CNTN6: variants seen among roughly 807,000 people sequenced by gnomAD.
The protein encoded by CNTN6 is contactin 6.
CNTN6 carries 137 observed loss-of-function variants against 122.8 expected under a neutral mutation model. That is an observed-to-expected ratio of 1.12 (90% CI 0.97 to 1.29). The LOEUF (loss-of-function observed/expected upper bound fraction) is 1.29. Among genes scored for constraint, CNTN6 ranks in the 50% most tolerant of loss-of-function variants. The pLI is 0.00. For synonymous variants in CNTN6, 570 were observed against 426.0 expected (o/e 1.34, Z -4.16); for missense variants, 1,634 against 1,223.4 (o/e 1.34, Z -5.01).
intron 4 of CNTN6, among the ~76,000 whole-genome samples, chr3:1,242,050 G>A (rs1268422916): frequency 4.1e-5 from 6 of 146,136 alleles, no homozygotes; most frequent in African/African-American, 1.5e-4. Flanking sequence ...TGGGGTTTGA[G>A]AGATCAGTCG....
At chr3:1,245,310 A>G (rs1197267456) in intron 4 of CNTN6, among the ~76,000 whole-genome samples, 5 of 16,762 alleles carry the variant, frequency 3.0e-4, no homozygotes, top group African/African-American at 6.2e-4. Flanking sequence ...ATATATATAT[A>G]TATATATATA....
At chr3:1,222,901 A>G (rs767829772) in intron 3 of CNTN6, among the ~76,000 whole-genome samples, 2 of 152,086 alleles carry the variant, frequency 1.3e-5, no homozygotes, top group Admixed American at 6.6e-5. Context: ...CCCCTTACTC[A>G]TAGACAAGAA....
At chr3:1,187,208 C>CA (rs796303332) in intron 2 of CNTN6, among the ~76,000 whole-genome samples, 19 of 151,488 alleles carry the variant, frequency 1.3e-4, no homozygotes, top group Middle Eastern at 3.4e-3. Flanking sequence ...GCAAGCAACT[C>CA]AAAAAAAACT....
chr3:1,172,664 C>T (rs1256790926), intron 2 of CNTN6, among the ~76,000 whole-genome samples: 1 of 148,420 alleles, frequency 6.7e-6, no homozygotes, highest in Non-Finnish European at 1.5e-5. Flanking sequence ...GTGTGTATCA[C>T]AACTTAACCC....
chr3:1,273,541 G>A (rs1691760294), intron 4 of CNTN6, among the ~76,000 whole-genome samples: 2 of 152,130 alleles, frequency 1.3e-5, no homozygotes, highest in East Asian at 1.9e-4. Flanking sequence ...AATACAGATT[G>A]GATCTGTACA....
intron 4 of CNTN6, among the ~76,000 whole-genome samples, chr3:1,246,072 A>T (rs966287273): frequency 6.6e-6 from 1 of 152,148 alleles, no homozygotes; most frequent in African/African-American, 2.4e-5. Flanking sequence ...TTTTCCCTAG[A>T]AGTATAATAT....
At position 1,403,311 on chromosome 3, in the gene CNTN6, T is replaced by G. The variant is rs776174896; in HGVS notation, c.2987-7T>G. Reference sequence around the variant, plus strand: ...AAATATTTTTGTCTTATTTTTATATTTTGCAGGTTTGAGTTCCAGAGGAAT... The same window carrying G: ...AAATATTTTTGTCTTATTTTTATATGTTGCAGGTTTGAGTTCCAGAGGAAT... On this transcript the variant is annotated splice_polypyrimidine_tract_variant and splice_region_variant and intron_variant, in intron 22 of 22. Coordinates refer to ENST00000446702, the MANE Select transcript of CNTN6 (RefSeq NM_001289080.2). 5 of 1,578,002 alleles carry G rather than the reference T, an allele frequency of 3.2e-6. No homozygotes were observed. The highest frequency in any genetic ancestry group is 4.3e-6 in the Non-Finnish European group (5 of 1,154,158).
chr3:1,271,386 G>A (rs1165272558), intron 4 of CNTN6, among the ~76,000 whole-genome samples: 1 of 152,154 alleles, frequency 6.6e-6, no homozygotes, highest in Non-Finnish European at 1.5e-5. Context: ...ACGCAAGTAA[G>A]AGGAGTAACT....
intron 20 of CNTN6, chr3:1,394,587 T>C (rs953974713): frequency 6.6e-6 from 1 of 151,976 alleles, no homozygotes; most frequent in African/African-American, 2.4e-5. Flanking sequence ...ATATATTCTA[T>C]ATATATATAT....
chr3:1,396,042 T>C (rs951455791), intron 20 of CNTN6, among the ~76,000 whole-genome samples: 20 of 152,250 alleles, frequency 1.3e-4, no homozygotes, highest in African/African-American at 4.8e-4. Flanking sequence ...CAAACTGCTT[T>C]GAAATTTTTC....
At chr3:1,155,049 T>C (rs2092932625) in intron 2 of CNTN6, among the ~76,000 whole-genome samples, 1 of 152,194 alleles carries the variant, frequency 6.6e-6, no homozygotes. Flanking sequence ...GTCACCTCCA[T>C]AGTCTGACGT....
chr3:1,313,473 C>A (rs1699675721), intron 7 of CNTN6, among the ~76,000 whole-genome samples: 2 of 152,048 alleles, frequency 1.3e-5, no homozygotes, highest in African/African-American at 4.8e-5. Context: ...ATGGATATTT[C>A]CTCATTTGCT....
chr3:1,215,262 C>T (rs72999894), intron 2 of CNTN6, among the ~76,000 whole-genome samples: 10,561 of 152,266 alleles, frequency 0.069, 458 homozygotes, highest in Non-Finnish European at 0.1. Flanking sequence ...TTCTATAACT[C>T]GGTGACATCA....
At chr3:1,398,266 T>A (rs1254237730) in intron 20 of CNTN6, among the ~76,000 whole-genome samples, 1 of 152,120 alleles carries the variant, frequency 6.6e-6, no homozygotes, top group Non-Finnish European at 1.5e-5. Context: ...CACATTAAGG[T>A]GATGGCCTTC....
intron 11 of CNTN6, among the ~76,000 whole-genome samples, chr3:1,342,975 C>G (rs918233520): frequency 2.0e-5 from 3 of 152,092 alleles, no homozygotes; most frequent in Non-Finnish European, 4.4e-5. Flanking sequence ...CCTCCTCCAC[C>G]TCTTTCACCT....
At chr3:1,342,780 C>A (rs942302674) in intron 11 of CNTN6, among the ~76,000 whole-genome samples, 3 of 152,184 alleles carry the variant, frequency 2.0e-5, no homozygotes, top group Admixed American at 6.5e-5. Flanking sequence ...CCTTTAGTTT[C>A]ATGATCAGAA....
intron 4 of CNTN6, among the ~76,000 whole-genome samples, chr3:1,255,475 A>G (rs1432099408): frequency 6.6e-6 from 1 of 152,046 alleles, no homozygotes; most frequent in Non-Finnish European, 1.5e-5. Flanking sequence ...TTGAGGAAAA[A>G]AGGGAATGGT....
chr3:1,126,669 A>T (rs1466978312), intron 1 of CNTN6, among the ~76,000 whole-genome samples: 2 of 151,886 alleles, frequency 1.3e-5, no homozygotes, highest in Non-Finnish European at 2.9e-5. Flanking sequence ...ACACTCATCA[A>T]TCAATATTTG....
intron 2 of CNTN6, among the ~76,000 whole-genome samples, chr3:1,156,870 A>G (rs79668758): frequency 0.19 from 28,500 of 151,826 alleles, 3,445 homozygotes; most frequent in African/African-American, 0.33. Flanking sequence ...AGCATGCACC[A>G]TCGTGCCTGG....
Sources: allele counts gnomAD v4.1 joint callset (sites outside exome capture counted in the v4.1 genomes callset), GRCh38; gene constraint gnomAD v4.1.1; transcripts MANE v1.5; gene names NCBI Gene and HGNC (gene_info 2026-07-23, HGNC 2026-07-21).